Variants in PCDHA3 observed in about 807,000 individuals in gnomAD.
The protein encoded by PCDHA3 is protocadherin alpha 3, also known as protocadherin alpha-3.
A neutral mutation model predicts 62.2 loss-of-function variants in PCDHA3; 41 were observed. The ratio of observed to expected loss-of-function variants is 0.66; its 90% CI spans 0.51 to 0.86. The LOEUF (loss-of-function observed/expected upper bound fraction) is 0.86. Among genes scored for constraint, PCDHA3 ranks in the 40% least tolerant of loss-of-function variants. The pLI is 0.00. For missense variants in PCDHA3, 1,304 were observed against 1,241.2 expected, an observed-to-expected ratio of 1.05 and a Z score of -0.76; for synonymous variants, 640 against 555.4, an observed-to-expected ratio of 1.15 and a Z score of -2.14.
chr5:140,936,867 T>TA (rs1471990778), intron 1 of PCDHA3, among the ~76,000 whole-genome samples: 5 of 152,214 alleles, frequency 3.3e-5, no homozygotes, highest in Admixed American at 2.6e-4. Context: ...GTTTCTATTT[T>TA]AAAAAACCCT....
chr5:140,969,428 CAA>C lies in PCDHA3; in HGVS notation c.2395-9520_2395-9519del, dbSNP rs2096329692. The stretch of plus-strand genomic sequence containing the variant: ...GGCTTTATTGAGTCATTAACAGTGA[CAA>C]GAGTTATCTGGTAAACTGAGTATAT... On this transcript the variant is annotated intron_variant, in intron 1 of 3. Coordinates refer to ENST00000522353, the MANE Select transcript of PCDHA3 (RefSeq NM_018906.3). 8.4e-6 allele frequency: 13 copies of C among 1,555,028 alleles called. No homozygotes were observed. The East Asian group carries it at 1.4e-4, about 17-fold the overall frequency.
chr5:141,006,789 CT>C (rs2098288759), intron 3 of PCDHA3, among the ~76,000 whole-genome samples: 2 of 152,026 alleles, frequency 1.3e-5, no homozygotes, highest in Admixed American at 6.5e-5. Flanking sequence ...GAATAATTAG[CT>C]TTGAACTTTC....
intron 1 of PCDHA3, among the ~76,000 whole-genome samples, chr5:140,974,864 C>A (rs949061887): frequency 3.9e-5 from 6 of 152,124 alleles, no homozygotes; most frequent in Non-Finnish European, 8.8e-5. Flanking sequence ...TGCCTTAATG[C>A]GGAACAGTCT....
chr5:140,853,543 A>G (rs2042787670), intron 1 of PCDHA3: 2 of 979,444 alleles, frequency 2.0e-6, no homozygotes, highest in Middle Eastern at 5.4e-4. Context: ...TTCAAGTTGT[A>G]ATTACTATAT....
chr5:140,968,118 C>T (rs141928119), intron 1 of PCDHA3: 717 of 1,614,170 alleles, frequency 4.4e-4, no homozygotes, highest in Middle Eastern at 2.3e-3. Context: ...CAGCTCACAT[C>T]CCTGCGTACA....
At chr5:140,870,715 G>T (rs1554164627) in intron 1 of PCDHA3, 2 of 1,613,126 alleles carry the variant, frequency 1.2e-6, no homozygotes, top group East Asian at 2.2e-5. Flanking sequence ...GAGCGCGCGC[G>T]ATGCGGGCGT....
At chr5:140,998,881 T>C (rs892142070) in intron 3 of PCDHA3, among the ~76,000 whole-genome samples, 13 of 152,224 alleles carry the variant, frequency 8.5e-5, no homozygotes, top group Admixed American at 2.6e-4. Flanking sequence ...ATAAGTTTAG[T>C]TGAATAAATA....
Position 140,857,830 on chromosome 5 carries a change from C to G in PCDHA3, c.2394+54239C>G, listed in dbSNP as rs782060681. On this transcript the variant is annotated intron_variant, in intron 1 of 3. Coordinates refer to ENST00000522353, the MANE Select transcript of PCDHA3 (RefSeq NM_018906.3). ...CGGGTCACGTGGTGGCTAAGGTGCG[C>G]GCAGTGGACGCTGACTCTGGATACA... is the stretch of plus-strand genomic sequence containing the variant. 1.6e-5 allele frequency: 26 copies of G among 1,597,596 alleles called. 3 individuals carry two copies. The highest frequency in any genetic ancestry group is 2.1e-5 in the Non-Finnish European group (25 of 1,167,516).
chr5:140,870,089 T>C (rs782364525), intron 1 of PCDHA3: 4 of 1,613,796 alleles, frequency 2.5e-6, no homozygotes, highest in Non-Finnish European at 3.4e-6. Flanking sequence ...ACTCCCCCAA[T>C]GGCAGGTCAC....
chr5:140,961,278 C>T (rs1205288915), intron 1 of PCDHA3, among the ~76,000 whole-genome samples: 1 of 152,192 alleles, frequency 6.6e-6, no homozygotes, highest in Non-Finnish European at 1.5e-5. Context: ...TTTACCATGG[C>T]TCTGTTTCTT....
At chr5:140,841,924 C>T (rs1199272696) in intron 1 of PCDHA3, 2 of 1,613,772 alleles carry the variant, frequency 1.2e-6, no homozygotes, top group African/African-American at 2.7e-5. Context: ...AATCCTTGGA[C>T]AGAGAGGACG....
chr5:140,881,480 TTG>T, intron 1 of PCDHA3: 2 of 445,316 alleles, frequency 4.5e-6, no homozygotes, highest in Non-Finnish European at 5.9e-6. Context: ...GGCTAAATTA[TTG>T]TGTTTATGCA....
chr5:140,886,373 G>A (rs2060960480), intron 1 of PCDHA3, among the ~76,000 whole-genome samples: 2 of 152,042 alleles, frequency 1.3e-5, no homozygotes. Context: ...ACATGCCATG[G>A]TGTGCTTATC....
chr5:140,857,661 A>T, intron 1 of PCDHA3: 1 of 1,596,582 alleles, frequency 6.3e-7, no homozygotes, highest in Non-Finnish European at 8.6e-7. Context: ...AGCGCGCGCG[A>T]TGGGGGCGTG....
intron 1 of PCDHA3, chr5:140,870,601 G>A (rs1554164453): frequency 1.2e-6 from 2 of 1,613,228 alleles, no homozygotes; most frequent in Admixed American, 1.7e-5. Context: ...GCGGTTGGGC[G>A]ACCGCGCGCT....
At chr5:140,853,555 G>A in intron 1 of PCDHA3, 1 of 980,632 alleles carries the variant, frequency 1.0e-6, no homozygotes, top group Non-Finnish European at 1.2e-6. Context: ...TTACTATATA[G>A]GAAAAACTAA....
chr5:140,830,462 T>C, intron 1 of PCDHA3: 1 of 1,579,416 alleles, frequency 6.3e-7, no homozygotes, highest in Non-Finnish European at 8.6e-7. Flanking sequence ...GAATCAGGAT[T>C]TAAATGAAGA....
chr5:140,823,501 G>C, intron 1 of PCDHA3: 1 of 1,613,364 alleles, frequency 6.2e-7, no homozygotes, highest in Non-Finnish European at 8.5e-7. Flanking sequence ...CGGCGGCGCA[G>C]TGAGCGAGCT....
chr5:140,901,146 C>T (rs1463079898), intron 1 of PCDHA3, among the ~76,000 whole-genome samples: 1 of 152,062 alleles, frequency 6.6e-6, no homozygotes, highest in Admixed American at 6.6e-5. Context: ...AATATTTTCT[C>T]TCAATCTGTG....
Sources: gnomAD v4.1 joint callset for allele counts (sites outside exome capture counted in the v4.1 genomes callset) on GRCh38, gnomAD v4.1.1 for gene constraint, MANE v1.5 for transcripts, NCBI Gene and HGNC (gene_info 2026-07-23, HGNC 2026-07-21) for gene names.